Variants in SH3RF1 observed in about 807,000 individuals in gnomAD.
The protein encoded by SH3RF1 is E3 ubiquitin-protein ligase SH3RF1.
SH3RF1 carries 32 observed loss-of-function variants against 74.0 expected under a neutral mutation model. The ratio of observed to expected loss-of-function variants is 0.43; its 90% CI spans 0.33 to 0.58. SH3RF1 has a LOEUF of 0.58. SH3RF1 is among the 20% of genes least tolerant of loss of function. The pLI, the probability that SH3RF1 is intolerant of heterozygous loss-of-function variation, is 0.05. For synonymous variants in SH3RF1, 396 were observed against 439.6 expected (o/e 0.90, Z 1.24); for missense variants, 954 against 1,130.9 (o/e 0.84, Z 2.24).
At chr4:169,244,277 T>A (rs1448590917) in intron 2 of SH3RF1, among the ~76,000 whole-genome samples, 1 of 152,190 alleles carries the variant, frequency 6.6e-6, no homozygotes, top group Non-Finnish European at 1.5e-5. Flanking sequence ...CCACCACCAT[T>A]TTTAAATTTT....
intron 2 of SH3RF1, among the ~76,000 whole-genome samples, chr4:169,165,224 G>A (rs1734215632): frequency 6.6e-6 from 1 of 152,126 alleles, no homozygotes; most frequent in Non-Finnish European, 1.5e-5. Flanking sequence ...CCCTGCCCTA[G>A]GCCTCCAACC....
At chr4:169,141,776 T>C (rs1352645389) in intron 4 of SH3RF1, among the ~76,000 whole-genome samples, 2 of 151,624 alleles carry the variant, frequency 1.3e-5, no homozygotes, top group African/African-American at 2.4e-5. Flanking sequence ...TAGCAGAGAT[T>C]ATAGGCAAGT....
Position 169,116,298 on chromosome 4 carries a change from A to G in SH3RF1, c.2110T>C (p.Ser704Pro). The part of the protein sequence containing the change: ...DSASSACGNS[S>P]ATKPDKDSKK... ...CTATCCTTGTCTGGTTTGGTTGCTG[A>G]ACTGTTCCCACAAGCTGATGAAGCA... The change falls in exon 10 of 12, where the codon TCA becomes CCA. Residue 704 changes from serine (S) to proline (P), a missense_variant. Ser to Pro is a moderately conservative substitution (Grantham distance 74, BLOSUM62 -1). Coordinates refer to ENST00000284637, the MANE Select transcript of SH3RF1 (RefSeq NM_020870.4). The G allele has an allele frequency of 6.2e-7, 1 of 1,613,124 alleles. No homozygotes were observed. The highest frequency in any genetic ancestry group is 1.3e-5 in the African/African-American group (1 of 75,066).
At chr4:169,097,190 T>G (rs1205655553) in intron 11 of SH3RF1, among the ~76,000 whole-genome samples, 1 of 151,898 alleles carries the variant, frequency 6.6e-6, no homozygotes, top group Non-Finnish European at 1.5e-5. Context: ...GGAAGGTGAG[T>G]CTGGAAGTCT....
At chr4:169,206,931 A>G (rs571962232) in intron 2 of SH3RF1, among the ~76,000 whole-genome samples, 1 of 152,238 alleles carries the variant, frequency 6.6e-6, no homozygotes. Context: ...CAAGAGTTCA[A>G]TACTGGCATG....
At chr4:169,241,477 C>A (rs566352001) in intron 2 of SH3RF1, among the ~76,000 whole-genome samples, 2 of 152,126 alleles carry the variant, frequency 1.3e-5, no homozygotes, top group African/African-American at 2.4e-5. Context: ...ATCCATCATC[C>A]ATGGAAGTAA....
At chr4:169,132,778 T>A (rs150720363) in intron 5 of SH3RF1, among the ~76,000 whole-genome samples, 1 of 152,236 alleles carries the variant, frequency 6.6e-6, no homozygotes, top group East Asian at 1.9e-4. Context: ...CTGAATATTA[T>A]GAATCACTCC....
chr4:169,215,068 T>C (rs1056948422), intron 2 of SH3RF1, among the ~76,000 whole-genome samples: 1 of 152,190 alleles, frequency 6.6e-6, no homozygotes, highest in African/African-American at 2.4e-5. Flanking sequence ...CTTTTCTCCA[T>C]TAAGTATGTT....
chr4:169,228,874 C>T (rs998175205), intron 2 of SH3RF1, among the ~76,000 whole-genome samples: 10 of 152,138 alleles, frequency 6.6e-5, no homozygotes, highest in African/African-American at 2.4e-4. Flanking sequence ...CTAATGAATA[C>T]TTCCACAAGT....
rs559039786 is a variant in SH3RF1, at chr4:169,171,957, T to C, written c.394-15278A>G. Among the ~76,000 whole-genome samples the C allele has an allele frequency of 2.0e-5, 3 of 152,358 alleles. 1 individual carries two copies. The South Asian group carries it at 6.2e-4, about 32-fold the overall frequency. On this transcript the variant is annotated intron_variant, in intron 2 of 11. Transcript: ENST00000284637. ...GTGAATCATGTTTATATAATCATAA[T>C]ACTGCAAATGCTATTTTTATGGGAC...
At chr4:169,123,100 A>G (rs1412343387) in intron 6 of SH3RF1, among the ~76,000 whole-genome samples, 2 of 152,216 alleles carry the variant, frequency 1.3e-5, no homozygotes, top group African/African-American at 4.8e-5. Flanking sequence ...GAACAACTAG[A>G]TGTAAAAACT....
chr4:169,252,056 A>C (rs1284927580), intron 2 of SH3RF1, among the ~76,000 whole-genome samples: 1 of 152,212 alleles, frequency 6.6e-6, no homozygotes, highest in Admixed American at 6.5e-5. Flanking sequence ...TATGTTCCGC[A>C]GCGACTCAAG....
chr4:169,245,835 G>A (rs1181079729), intron 2 of SH3RF1, among the ~76,000 whole-genome samples: 1 of 152,160 alleles, frequency 6.6e-6, no homozygotes, highest in Non-Finnish European at 1.5e-5. Context: ...AGGGCAACAG[G>A]GGAGTATCCG....
chr4:169,193,080 G>T (rs1194661135), intron 2 of SH3RF1, among the ~76,000 whole-genome samples: 3 of 152,018 alleles, frequency 2.0e-5, no homozygotes, highest in Non-Finnish European at 4.4e-5. Context: ...TGGGAGCTAA[G>T]CTATGAGGAT....
At chr4:169,142,742 G>A (rs1230972643) in intron 4 of SH3RF1, among the ~76,000 whole-genome samples, 1 of 152,118 alleles carries the variant, frequency 6.6e-6, no homozygotes, top group African/African-American at 2.4e-5. Flanking sequence ...AGAATATCAG[G>A]GAATGAATGA....
chr4:169,191,194 T>C (rs1312752533), intron 2 of SH3RF1, among the ~76,000 whole-genome samples: 3 of 151,704 alleles, frequency 2.0e-5, no homozygotes, highest in Admixed American at 2.0e-4. Context: ...ACCACTCCTC[T>C]TCAACATACA....
chr4:169,137,630 A>G (rs1329230570), intron 4 of SH3RF1, among the ~76,000 whole-genome samples: 2 of 152,218 alleles, frequency 1.3e-5, no homozygotes, highest in East Asian at 1.9e-4. Flanking sequence ...AAATGTCTTT[A>G]TATAAAATAA....
chr4:169,171,617 A>G (rs1457911157), intron 2 of SH3RF1, among the ~76,000 whole-genome samples: 2 of 152,198 alleles, frequency 1.3e-5, no homozygotes, highest in Admixed American at 6.5e-5. Context: ...TTGGCCAGCT[A>G]AACTGTTAAA....
Position 169,187,010 on chromosome 4 carries a change from C to A in SH3RF1, c.394-30331G>T, listed in dbSNP as rs1192887330. 7.6e-4 allele frequency among the ~76,000 whole-genome samples: 72 copies of A among 94,472 alleles called. 1 individual carries two copies. Among genetic ancestry groups the A allele is most frequent in the African/African-American group, 2.0e-3 (60 of 30,264 alleles). The allele number at this position is 94,472 out of a possible 152,430, so 62.0% of individuals were successfully genotyped here. A position where few individuals can be genotyped will look rare whatever the true frequency, so the allele number is the denominator to read the frequency against. On this transcript the variant is annotated intron_variant, in intron 2 of 11. Coordinates refer to ENST00000284637, the MANE Select transcript of SH3RF1 (RefSeq NM_020870.4). The stretch of plus-strand genomic sequence containing the variant: ...GCCTGGGGACAGAGCGAGGCTCCAT[C>A]GCAAAAAAAAAAAAATGAAAAAGAA...
Sources: gnomAD v4.1 joint callset for allele counts (sites outside exome capture counted in the v4.1 genomes callset) on GRCh38, gnomAD v4.1.1 for gene constraint, MANE v1.5 for transcripts, NCBI Gene and HGNC (gene_info 2026-07-23, HGNC 2026-07-21) for gene names.